The following GALNT13 variants were observed in gnomAD, a reference collection of about 807,000 sequenced individuals.
The protein encoded by GALNT13 is polypeptide N-acetylgalactosaminyltransferase 13, also known as UDP-GalNAc:polypeptide N-acetylgalactosaminyltransferase 13.
GALNT13 carries 28 observed loss-of-function variants against 64.2 expected under a neutral mutation model. The observed-to-expected ratio is 0.44, with a 90% CI of 0.32 to 0.60. The LOEUF is 0.60. Ranked by LOEUF, GALNT13 falls within the 20% of genes least tolerant of loss-of-function variation. The probability of loss-of-function intolerance (pLI) is 0.05; values close to 1 mark genes in which losing one functional copy is unlikely to be tolerated. For missense variants in GALNT13, 577 were observed against 669.8 expected (o/e 0.86, Z 1.53); for synonymous variants, 214 against 224.6 (o/e 0.95, Z 0.42).
At chr2:154,232,963 C>T (rs1448774224) in intron 4 of GALNT13, among the ~76,000 whole-genome samples, 1 of 149,550 alleles carries the variant, frequency 6.7e-6, no homozygotes, top group East Asian at 2.0e-4. Context: ...ATGCTTGAGC[C>T]CAGGAGGCGG....
At chr2:153,113,146 G>T in the GALNT13 span, among the ~76,000 whole-genome samples, 1 of 152,032 alleles carries the variant, frequency 6.6e-6, no homozygotes, top group Non-Finnish European at 1.5e-5. Context: ...GATTGTATTT[G>T]TTGAGGAGGT....
chr2:153,743,785 T>G, the GALNT13 span, among the ~76,000 whole-genome samples: 4 of 152,158 alleles, frequency 2.6e-5, no homozygotes, highest in Non-Finnish European at 5.9e-5. Context: ...CTTTCTATTT[T>G]TTGTACCCAT....
the GALNT13 span, among the ~76,000 whole-genome samples, chr2:153,739,574 T>TTATG: frequency 6.9e-6 from 1 of 144,172 alleles, no homozygotes; most frequent in Admixed American, 6.9e-5. Flanking sequence ...TTTTATTTAT[T>TTATG]TATTCATTAT....
At chr2:153,937,806 A>G (rs556072989) in intron 2 of GALNT13, among the ~76,000 whole-genome samples, 46 of 152,324 alleles carry the variant, frequency 3.0e-4, no homozygotes, top group African/African-American at 1.1e-3. Flanking sequence ...TTTATGGCCA[A>G]CCTATACCAA....
chr2:153,630,784 TATATATATATATATATATATA>T, the GALNT13 span, among the ~76,000 whole-genome samples: 1 of 9,792 alleles, frequency 1.0e-4, no homozygotes, highest in Non-Finnish European at 2.0e-4. Flanking sequence ...TATATATATA[TATATATATATATATATATATA>T]TATTTTTTTT....
the GALNT13 span, among the ~76,000 whole-genome samples, chr2:153,553,792 A>G: frequency 1.2e-4 from 19 of 152,300 alleles, no homozygotes; most frequent in South Asian, 3.7e-3. Context: ...CAGGTGAAGC[A>G]GTCTTCAGGA....
At chr2:153,512,181 C>T in the GALNT13 span, among the ~76,000 whole-genome samples, 8 of 152,100 alleles carry the variant, frequency 5.3e-5, no homozygotes, top group African/African-American at 1.2e-4. Flanking sequence ...AAGAGAAAGA[C>T]GGTTATTCAG....
the GALNT13 span, among the ~76,000 whole-genome samples, chr2:153,407,484 T>G: frequency 1.1e-3 from 160 of 152,312 alleles, no homozygotes; most frequent in African/African-American, 3.7e-3. Flanking sequence ...AGGTGATCTT[T>G]CTTGTGATAA....
the GALNT13 span, among the ~76,000 whole-genome samples, chr2:153,537,707 C>T: frequency 5.9e-5 from 9 of 152,058 alleles, no homozygotes; most frequent in African/African-American, 1.2e-4. Flanking sequence ...CTTGTGATAG[C>T]GAGTGGATTC....
chr2:153,692,149 A>G, the GALNT13 span, among the ~76,000 whole-genome samples: 2 of 152,310 alleles, frequency 1.3e-5, no homozygotes, highest in African/African-American at 4.8e-5. Context: ...TAAATACTAC[A>G]TTATTCCTTT....
chr2:153,323,026 G>T, the GALNT13 span, among the ~76,000 whole-genome samples: 3 of 152,262 alleles, frequency 2.0e-5, no homozygotes, highest in Non-Finnish European at 2.9e-5. Context: ...TAATGGGATT[G>T]CTGGGTCAAA....
the GALNT13 span, among the ~76,000 whole-genome samples, chr2:153,622,212 T>C: frequency 2.6e-5 from 4 of 152,100 alleles, no homozygotes; most frequent in Admixed American, 6.6e-5. Flanking sequence ...TATAGTTCTC[T>C]CTAACACACA....
intron 4 of GALNT13, among the ~76,000 whole-genome samples, chr2:154,185,445 T>C (rs986839308): frequency 7.2e-5 from 11 of 152,148 alleles, no homozygotes; most frequent in Middle Eastern, 3.4e-3. Flanking sequence ...TTTCTACACC[T>C]TTCTCTTTCT....
the GALNT13 span, among the ~76,000 whole-genome samples, chr2:153,563,069 C>T: frequency 6.6e-6 from 1 of 150,656 alleles, no homozygotes; most frequent in African/African-American, 2.5e-5. Flanking sequence ...TTTTGTTGTC[C>T]AAACTGTTTT....
At chr2:153,934,170 CTG>C (rs1198324787) in intron 2 of GALNT13, among the ~76,000 whole-genome samples, 4 of 152,108 alleles carry the variant, frequency 2.6e-5, no homozygotes, top group Admixed American at 2.0e-4. Context: ...TAAATTATAT[CTG>C]TTGGATAAAT....
the GALNT13 span, among the ~76,000 whole-genome samples, chr2:153,263,195 A>G: frequency 4.6e-5 from 7 of 152,160 alleles, no homozygotes; most frequent in Non-Finnish European, 8.8e-5. Context: ...TCCCATTCAC[A>G]ATTGCTAGGA....
rs1460426430 is a variant in GALNT13, at chr2:154,453,506, A to T, written c.*2955A>T. On this transcript the variant is annotated 3_prime_UTR_variant, in exon 13 of 13. Coordinates refer to ENST00000392825, the MANE Select transcript of GALNT13 (RefSeq NM_052917.4). ...CCAGAGAGCTCCCCTTAGTGATCTC[A>T]GTTCAAATATTATCTTATCAGTAAG... The T allele has an allele frequency of 6.6e-6, 1 of 152,080 alleles. No individual in the cohort carries two copies. The highest frequency in any genetic ancestry group is 1.5e-5 in the Non-Finnish European group (1 of 68,080). The allele number at this position is 152,080 out of a possible 1,614,324, so 9.4% of individuals were successfully genotyped here.
chr2:154,170,682 T>TG (rs1232218940), intron 4 of GALNT13, among the ~76,000 whole-genome samples: 1 of 152,136 alleles, frequency 6.6e-6, no homozygotes, highest in Non-Finnish European at 1.5e-5. Flanking sequence ...AAGACTGTCA[T>TG]GGGAATTAAA....
At chr2:154,038,150 C>T (rs1698770906) in intron 3 of GALNT13, among the ~76,000 whole-genome samples, 1 of 152,006 alleles carries the variant, frequency 6.6e-6, no homozygotes, top group Admixed American at 6.6e-5. Flanking sequence ...GTAAGACAAC[C>T]CACGCTCATG....
Sources: allele counts gnomAD v4.1 joint callset (sites outside exome capture counted in the v4.1 genomes callset), GRCh38; gene constraint gnomAD v4.1.1; transcripts MANE v1.5; gene names NCBI Gene and HGNC (gene_info 2026-07-23, HGNC 2026-07-21).